Variants in DACH2 observed in about 807,000 individuals in gnomAD.
DACH2 encodes the protein dachshund homolog 2.
Under a neutral mutation model 35.8 loss-of-function variants are expected in DACH2, and 17 were observed. The ratio of observed to expected loss-of-function variants is 0.48; its 90% CI spans 0.33 to 0.71. The LOEUF (loss-of-function observed/expected upper bound fraction) is 0.71. DACH2 is among the 30% of genes least tolerant of loss of function. The pLI, the probability that DACH2 is intolerant of heterozygous loss-of-function variation, is 0.02. For missense variants in DACH2, 469 were observed against 472.7 expected (o/e 0.99, Z 0.07); for synonymous variants, 195 against 177.3 (o/e 1.10, Z -0.79).
intron 7 of DACH2, among the ~76,000 whole-genome samples, chrX:86,765,042 T>C (rs1370139776): frequency 8.9e-6 from 1 of 112,203 alleles, no homozygotes; most frequent in Non-Finnish European, 1.9e-5. Flanking sequence ...GAGAAGTGTC[T>C]GTTCATGTCC....
chrX:86,388,184 G>A (rs1355469272), intron 2 of DACH2, among the ~76,000 whole-genome samples: 1 of 111,947 alleles, frequency 8.9e-6, no homozygotes, highest in African/African-American at 3.2e-5. Flanking sequence ...AGAGTGTTGA[G>A]GCTACAGCTG....
chrX:86,261,838 T>C (rs910438404), intron 1 of DACH2, among the ~76,000 whole-genome samples: 10 of 111,358 alleles, frequency 9.0e-5, no homozygotes, highest in Admixed American at 2.9e-4. Flanking sequence ...CAGCCAATGA[T>C]TAATACCACC....
At chrX:86,301,608 A>G (rs1197904140) in intron 1 of DACH2, among the ~76,000 whole-genome samples, 1 of 111,652 alleles carries the variant, frequency 9.0e-6, no homozygotes, top group Non-Finnish European at 1.9e-5. Flanking sequence ...CTGAGGTCAG[A>G]GATGTTTGGA....
intron 3 of DACH2, among the ~76,000 whole-genome samples, chrX:86,588,944 C>T (rs2039609112): frequency 9.0e-6 from 1 of 111,474 alleles, no homozygotes; most frequent in Middle Eastern, 4.6e-3. Flanking sequence ...TGTTCCCCTT[C>T]TTAGAGGAAA....
chrX:86,372,340 CAT>C (rs1245822473), intron 1 of DACH2, among the ~76,000 whole-genome samples: 2 of 111,034 alleles, frequency 1.8e-5, no homozygotes, highest in African/African-American at 3.3e-5. Context: ...CTTACACACA[CAT>C]GGAAGTTTTC....
chrX:86,517,357 A>G (rs1297736162), intron 3 of DACH2, among the ~76,000 whole-genome samples: 1 of 110,586 alleles, frequency 9.0e-6, no homozygotes, highest in African/African-American at 3.3e-5. Flanking sequence ...TTTTCTTCAT[A>G]TGCTTGTTGG....
At chrX:86,374,210 T>G (rs1259358852) in intron 1 of DACH2, among the ~76,000 whole-genome samples, 1 of 111,262 alleles carries the variant, frequency 9.0e-6, no homozygotes, top group Non-Finnish European at 1.9e-5. Context: ...GCATGCTGGG[T>G]AGCAATCACT....
chrX:86,640,267 C>T (rs1476177830), intron 3 of DACH2, among the ~76,000 whole-genome samples: 2 of 111,246 alleles, frequency 1.8e-5, no homozygotes, highest in Non-Finnish European at 3.8e-5. Flanking sequence ...GAAAACCTCT[C>T]TGCCACTGCC....
intron 4 of DACH2, among the ~76,000 whole-genome samples, chrX:86,689,299 T>A (rs996377630): frequency 1.8e-5 from 2 of 111,718 alleles, no homozygotes; most frequent in Admixed American, 1.9e-4. Context: ...AATAATATGA[T>A]AAGGTTGTAG....
intron 2 of DACH2, among the ~76,000 whole-genome samples, chrX:86,394,156 G>C (rs2036245551): frequency 9.1e-6 from 1 of 109,439 alleles, no homozygotes; most frequent in Admixed American, 9.9e-5. Flanking sequence ...GTACTGCCTA[G>C]TCCCATGATT....
chrX:86,316,793 G>A (rs2034917833), intron 1 of DACH2, among the ~76,000 whole-genome samples: 1 of 110,764 alleles, frequency 9.0e-6, no homozygotes, highest in African/African-American at 3.3e-5. Context: ...GCTTGTAAGT[G>A]AGAAGAGATA....
intron 1 of DACH2, among the ~76,000 whole-genome samples, chrX:86,220,457 A>G (rs1374679659): frequency 9.0e-6 from 1 of 111,451 alleles, no homozygotes; most frequent in East Asian, 2.8e-4. Context: ...TACCTCATAT[A>G]AGTGAAATTA....
intron 6 of DACH2, among the ~76,000 whole-genome samples, chrX:86,724,584 A>G (rs980629865): frequency 1.8e-5 from 2 of 111,812 alleles, no homozygotes; most frequent in Non-Finnish European, 3.8e-5. Flanking sequence ...GTTCCTTTAT[A>G]GACGACTAGA....
intron 1 of DACH2, among the ~76,000 whole-genome samples, chrX:86,376,098 T>C (rs1214825628): frequency 9.1e-6 from 1 of 109,960 alleles, no homozygotes; most frequent in South Asian, 3.8e-4. Context: ...GGATCTCTTT[T>C]GTATGTGTTT....
intron 2 of DACH2, among the ~76,000 whole-genome samples, chrX:86,464,468 A>G (rs182719530): frequency 9.0e-6 from 1 of 111,038 alleles, no homozygotes; most frequent in African/African-American, 3.3e-5. Context: ...GAGTTGAACC[A>G]TGAAAACACA....
At chrX:86,403,920 G>T (rs1326154319) in intron 2 of DACH2, among the ~76,000 whole-genome samples, 1 of 110,700 alleles carries the variant, frequency 9.0e-6, no homozygotes, top group Non-Finnish European at 1.9e-5. Context: ...GAAGGGGAAG[G>T]TGACACATCC....
chrX:86,791,464 A>G (rs2042186446), intron 7 of DACH2, among the ~76,000 whole-genome samples: 1 of 111,725 alleles, frequency 9.0e-6, no homozygotes, highest in African/African-American at 3.2e-5. Flanking sequence ...TCTGACCACT[A>G]GACATATTTA....
At chrX:86,292,472 TG>T (rs2148000647) in intron 1 of DACH2, among the ~76,000 whole-genome samples, 1 of 109,585 alleles carries the variant, frequency 9.1e-6, no homozygotes, top group East Asian at 2.9e-4. Context: ...TGCTAGCTTT[TG>T]AATGTGTTTG....
At chrX:86,827,827 A>G in intron 11 of DACH2, 12 of 1,138,355 alleles carry the variant, frequency 1.1e-5, no homozygotes, top group Non-Finnish European at 1.4e-5. Context: ...TGTAGCAGTT[A>G]CCTGCTTATC....
Sources: gnomAD v4.1 joint callset for allele counts (sites outside exome capture counted in the v4.1 genomes callset) on GRCh38, gnomAD v4.1.1 for gene constraint, MANE v1.5 for transcripts, NCBI Gene and HGNC (gene_info 2026-07-23, HGNC 2026-07-21) for gene names.